The following RYR2 variants were observed in gnomAD, a reference collection of about 807,000 sequenced individuals.
RYR2 encodes ryanodine receptor 2.
Under a neutral mutation model 601.1 loss-of-function variants are expected in RYR2, and 227 were observed. The observed-to-expected ratio is 0.38, with a 90% CI of 0.34 to 0.42. The LOEUF (loss-of-function observed/expected upper bound fraction) is 0.42. RYR2 is among the 10% of genes least tolerant of loss of function. The pLI is 1.00. For missense variants in RYR2, 4,646 were observed against 6,156.5 expected, an observed-to-expected ratio of 0.75 and a Z score of 8.21; for synonymous variants, 2,223 against 2,175.1, an observed-to-expected ratio of 1.02 and a Z score of -0.61.
rs1242904865 is a variant in RYR2, at chr1:237,048,902, C to A, written c.48+6333C>A. Among the ~76,000 whole-genome samples the A allele has an allele frequency of 2.0e-5, 3 of 152,234 alleles. No homozygotes were observed. In the South Asian group the frequency reaches 6.2e-4, roughly 32 times the overall value. Reference sequence around the variant, plus strand: ...GTTTAATGTGAACATCACTTGAATGCGTCCAAATGCAGAAAGAAGGAACCT... The same window carrying A: ...GTTTAATGTGAACATCACTTGAATGAGTCCAAATGCAGAAAGAAGGAACCT... On this transcript the variant is annotated intron_variant, in intron 1 of 104. Coordinates refer to ENST00000366574, the MANE Select transcript of RYR2 (RefSeq NM_001035.3).
intron 80 of RYR2, among the ~76,000 whole-genome samples, chr1:237,749,436 T>C (rs1692357515): frequency 1.3e-5 from 2 of 151,164 alleles, no homozygotes; most frequent in African/African-American, 4.9e-5. Context: ...ATATTTGCTA[T>C]TATTATTATT....
At chr1:237,639,283 A>C in intron 46 of RYR2, 82 bp downstream of exon 46, 1 of 1,266,786 alleles carries the variant, frequency 7.9e-7, no homozygotes, top group Non-Finnish European at 1.1e-6. Context: ...CATCCTATGA[A>C]TTGTAATATA....
In RYR2 at chr1:237,599,389, A is replaced by T. The variant is rs191413051; in HGVS notation, c.4597-2636A>T. Among the ~76,000 whole-genome samples, 364 of 152,344 alleles carry T rather than the reference A, an allele frequency of 2.4e-3. 1 individual carries two copies. The highest frequency in any genetic ancestry group is 8.3e-3 in the African/African-American group (344 of 41,578). ...ATAAAAATACCTTTAAAAGTTTACT[A>T]AAAAACTGTTAAAACTAATACATTC... On this transcript the variant is annotated intron_variant, in intron 34 of 104. Coordinates refer to ENST00000366574, the MANE Select transcript of RYR2 (RefSeq NM_001035.3).
intron 97 of RYR2, among the ~76,000 whole-genome samples, chr1:237,798,938 T>C (rs1339985261): frequency 6.6e-6 from 1 of 152,192 alleles, no homozygotes; most frequent in Admixed American, 6.5e-5. Flanking sequence ...GGAAGAAACA[T>C]AATACTTTCT....
chr1:237,499,389 G>T, intron 20 of RYR2, among the ~76,000 whole-genome samples: 1 of 152,050 alleles, frequency 6.6e-6, no homozygotes, highest in East Asian at 1.9e-4. Flanking sequence ...GTAGTGTGGA[G>T]GAATGTACAG....
At chr1:237,616,418 G>A (rs1559119868) in intron 37 of RYR2, among the ~76,000 whole-genome samples, 2 of 152,248 alleles carry the variant, frequency 1.3e-5, no homozygotes, top group East Asian at 3.9e-4. Context: ...CCACTTAATT[G>A]TCTTAAGTTT....
intron 1 of RYR2, among the ~76,000 whole-genome samples, chr1:237,250,921 A>T (rs373725671): frequency 6.6e-6 from 1 of 152,128 alleles, no homozygotes; most frequent in Non-Finnish European, 1.5e-5. Flanking sequence ...ACAAATTCAG[A>T]TTATGTTAGC....
intron 1 of RYR2, among the ~76,000 whole-genome samples, chr1:237,243,635 C>A (rs1442369010): frequency 6.6e-6 from 1 of 152,062 alleles, no homozygotes; most frequent in Admixed American, 6.6e-5. Flanking sequence ...TAGCGTGGGA[C>A]CCTATCTGGG....
intron 97 of RYR2, 119 bp downstream of exon 97, chr1:237,798,289 G>T: frequency 1.1e-6 from 1 of 887,746 alleles, no homozygotes; most frequent in Non-Finnish European, 1.6e-6. Context: ...GATAGATGAG[G>T]AAAACAGAAA....
chr1:237,373,752 A>G (rs886912033), intron 6 of RYR2, among the ~76,000 whole-genome samples: 1 of 152,216 alleles, frequency 6.6e-6, no homozygotes, highest in African/African-American at 2.4e-5. Context: ...TCCTGTGGAA[A>G]TGCACGTGTA....
chr1:237,062,756 G>T (rs901381498), intron 1 of RYR2, among the ~76,000 whole-genome samples: 18 of 152,096 alleles, frequency 1.2e-4, no homozygotes, highest in Non-Finnish European at 2.5e-4. Flanking sequence ...TAGAAGACAT[G>T]ATAGCAGATC....
chr1:237,776,491 C>T (rs1694665957), intron 87 of RYR2, among the ~76,000 whole-genome samples: 1 of 152,156 alleles, frequency 6.6e-6, no homozygotes, highest in African/African-American at 2.4e-5. Context: ...AGAATAATCT[C>T]ATTTCAGTAA....
chr1:237,485,827 G>A (rs1445208887), intron 17 of RYR2, among the ~76,000 whole-genome samples: 1 of 152,182 alleles, frequency 6.6e-6, no homozygotes, highest in African/African-American at 2.4e-5. Context: ...TTTAGGGACT[G>A]ATATTCTATG....
intron 1 of RYR2, among the ~76,000 whole-genome samples, chr1:237,130,237 C>G (rs1672014295): frequency 6.6e-6 from 1 of 152,000 alleles, no homozygotes; most frequent in Non-Finnish European, 1.5e-5. Flanking sequence ...TGAATTATAC[C>G]TTTATAAAAC....
chr1:237,449,024 G>A (rs201304688), intron 14 of RYR2, among the ~76,000 whole-genome samples: 19 of 151,522 alleles, frequency 1.3e-4, no homozygotes, highest in East Asian at 3.9e-4. Context: ...TTTTATATTC[G>A]TCCCACCTAG....
chr1:237,555,137 T>C (rs766494783), intron 27 of RYR2: 2 of 152,124 alleles, frequency 1.3e-5, no homozygotes, highest in Non-Finnish European at 1.5e-5. Flanking sequence ...AGATCCTGGT[T>C]TCACAGCTTT....
intron 1 of RYR2, among the ~76,000 whole-genome samples, chr1:237,186,087 C>T (rs191052970): frequency 6.6e-6 from 1 of 152,182 alleles, no homozygotes; most frequent in African/African-American, 2.4e-5. Context: ...CTGATTTTTC[C>T]CTTGAAACCT....
At chr1:237,787,319 G>A (rs566065168) in intron 91 of RYR2, among the ~76,000 whole-genome samples, 52 of 152,164 alleles carry the variant, frequency 3.4e-4, no homozygotes, top group Middle Eastern at 6.8e-3. Flanking sequence ...GCTGGGCGTG[G>A]TGGCTCACAC....
At chr1:237,320,884 G>T (rs74507878) in intron 2 of RYR2, among the ~76,000 whole-genome samples, 5,805 of 151,998 alleles carry the variant, frequency 0.038, 258 homozygotes, top group African/African-American at 0.11. Flanking sequence ...AGCCAAAGTC[G>T]TGGAGTATGG....
Sources: allele counts gnomAD v4.1 joint callset (sites outside exome capture counted in the v4.1 genomes callset), GRCh38; gene constraint gnomAD v4.1.1; transcripts MANE v1.5; gene names NCBI Gene and HGNC (gene_info 2026-07-23, HGNC 2026-07-21).